SLC1A4: variants seen among roughly 807,000 people sequenced by gnomAD.
SLC1A4 encodes solute carrier family 1 member 4, also known as neutral amino acid transporter A.
Under a neutral mutation model 37.7 loss-of-function variants are expected in SLC1A4, and 19 were observed. The observed-to-expected ratio is 0.50, with a 90% confidence interval of 0.35 to 0.74. SLC1A4 has a LOEUF of 0.74. Among genes scored for constraint, SLC1A4 ranks in the 30% least tolerant of loss-of-function variants. The probability of loss-of-function intolerance (pLI) is 0.01; values close to 1 mark genes in which losing one functional copy is unlikely to be tolerated. For missense variants in SLC1A4, 570 were observed against 712.9 expected, an observed-to-expected ratio of 0.80 and a Z score of 2.28; for synonymous variants, 299 against 309.8, an observed-to-expected ratio of 0.97 and a Z score of 0.37.
chr2:65,016,003 A>G (rs987389121), intron 4 of SLC1A4, among the ~76,000 whole-genome samples: 1 of 152,156 alleles, frequency 6.6e-6, no homozygotes. Context: ...CTTTGGCTCA[A>G]TTTTCTATCA....
intron 3 of SLC1A4, among the ~76,000 whole-genome samples, 185 bp from the exon 4 acceptor site, chr2:65,010,412 C>G (rs1673869359): frequency 6.6e-6 from 1 of 152,204 alleles, no homozygotes; most frequent in Non-Finnish European, 1.5e-5. Flanking sequence ...CTTTCTGTAT[C>G]CTCAGACTAC....
Position 65,020,961 on chromosome 2 carries a change from G to A in SLC1A4, c.1414G>A (p.Gly472Ser), listed in dbSNP as rs1355473548. Residue 472 changes from glycine (G) to serine (S), a missense_variant, in exon 8 of 8, where the codon GGC (glycine) becomes AGC (serine). Physicochemically the swap from Gly to Ser is moderately conservative, Grantham distance 56. Coordinates refer to ENST00000234256, the MANE Select transcript of SLC1A4 (RefSeq NM_003038.5). ...TGTGGAAGGGGATGCCCTGGGTGCA[G>A]GCATTCTCCACCACCTGAATCAGAA... Reference protein sequence around the residue: ...VNVEGDALGAGILHHLNQKAT... With the variant: ...VNVEGDALGASILHHLNQKAT... The A allele has an allele frequency of 6.2e-7, 1 of 1,614,210 alleles. No individual in the cohort carries two copies. The highest frequency in any genetic ancestry group is 1.7e-5 in the Admixed American group (1 of 60,026).
At chr2:65,019,620 G>GGT (rs1265006274) in intron 7 of SLC1A4, among the ~76,000 whole-genome samples, 1 of 152,212 alleles carries the variant, frequency 6.6e-6, no homozygotes, top group African/African-American at 2.4e-5. Context: ...AGGTGGGAAT[G>GGT]GTGGTTTTTC....
At chr2:65,011,111 G>C (rs990715915) in intron 4 of SLC1A4, among the ~76,000 whole-genome samples, 2 of 152,268 alleles carry the variant, frequency 1.3e-5, no homozygotes, top group South Asian at 2.1e-4. Context: ...AATTCCATTA[G>C]TTTGCTATCT....
chr2:65,007,002 C>T lies in SLC1A4; in HGVS notation c.633+2987C>T, dbSNP rs114261124. Among the ~76,000 whole-genome samples, 1,431 of 152,294 alleles carry T rather than the reference C, an allele frequency of 9.4e-3. 7 individuals carry two copies. Among genetic ancestry groups the T allele is most frequent in the Non-Finnish European group, 0.014 (938 of 68,030 alleles). ...GACCCGTGGCTCTATCTTCCATGGC[C>T]ACTTTGATCCCACGTAATAACTTGC... On this transcript the variant is annotated intron_variant, in intron 3 of 7. Coordinates refer to ENST00000234256, the MANE Select transcript of SLC1A4 (RefSeq NM_003038.5).
rs775648938 is a variant in SLC1A4, at chr2:64,989,596, A to T, written c.-48A>T. 2.2e-4 allele frequency: 317 copies of T among 1,409,204 alleles called. No homozygotes were observed. Among genetic ancestry groups the T allele is most frequent in the Non-Finnish European group, 6.2e-5 (67 of 1,080,994 alleles). The allele number at this position is 1,409,204 out of a possible 1,614,324, so 87.3% of individuals were successfully genotyped here. A position where few individuals can be genotyped will look rare whatever the true frequency, so the allele number is the denominator to read the frequency against. Reference sequence around the variant, plus strand: ...TTCATTGGGAACCCCGTCTTTTGCCAGAGCCCACGTCCCCTGCCACCTCTA... The same window carrying T: ...TTCATTGGGAACCCCGTCTTTTGCCTGAGCCCACGTCCCCTGCCACCTCTA... On this transcript the variant is annotated 5_prime_UTR_variant, in exon 1 of 8. Coordinates refer to ENST00000234256, the MANE Select transcript of SLC1A4 (RefSeq NM_003038.5).
In SLC1A4 at chr2:64,989,555, C is replaced by A; in HGVS notation, c.-89C>A. The A allele has an allele frequency of 2.4e-6, 3 of 1,251,870 alleles. No individual in the cohort carries two copies. The highest frequency in any genetic ancestry group is 3.1e-6 in the Non-Finnish European group (3 of 964,936). 77.5% of individuals were successfully genotyped at this position (1,251,870 alleles called of 1,614,324 possible). ...GCTTCCCAGAACCTGCGGAGCACAA[C>A]TGGCCGACCGACCCATTCATTGGGA... On this transcript the variant is annotated 5_prime_UTR_variant, in exon 1 of 8. The change creates a new upstream start codon in the 5' untranslated region. Coordinates refer to ENST00000234256, the MANE Select transcript of SLC1A4 (RefSeq NM_003038.5).
rs146733612 is a variant in SLC1A4 at position 64,992,649 on chromosome 2, T to C, written c.527+2479T>C. 7.2e-5 allele frequency among the ~76,000 whole-genome samples: 11 copies of C among 152,320 alleles called. No homozygotes were observed. In the East Asian group the frequency reaches 2.1e-3, roughly 29 times the overall value. The stretch of plus-strand genomic sequence containing the variant: ...TATAAAGAAGAGATTAGAAGGACTG[T>C]GGGTCTCCTACCCCACAGTGCAGGG... On this transcript the variant is annotated intron_variant, in intron 1 of 7. Coordinates refer to ENST00000234256, the MANE Select transcript of SLC1A4 (RefSeq NM_003038.5).
At chr2:64,997,180 G>A (rs1345144165) in intron 1 of SLC1A4, among the ~76,000 whole-genome samples, 2 of 152,108 alleles carry the variant, frequency 1.3e-5, no homozygotes, top group Non-Finnish European at 2.9e-5. Context: ...ACTGCCACCA[G>A]GAGAGCCCTT....
In SLC1A4 at chr2:64,989,655, C is replaced by T. The variant is rs777266961; in HGVS notation, c.12C>T (p.Ser4=). ...CGGCGTGTAGCGCCATGGAGAAGAG[C>T]AACGAGACCAACGGCTACCTTGACA... MEK[S]NETNGYLDSA... is the part of the protein sequence containing the mutation. Residue 4 remains serine, a synonymous_variant, in exon 1 of 8, where the codon AGC becomes AGT. Coordinates refer to ENST00000234256, the MANE Select transcript of SLC1A4 (RefSeq NM_003038.5). 6.5e-7 allele frequency: 1 copy of T among 1,535,142 alleles called. No homozygotes were observed. Among genetic ancestry groups the T allele is most frequent in the Non-Finnish European group, 8.7e-7 (1 of 1,147,846 alleles).
rs1326622846 is a variant in SLC1A4 at position 65,016,693 on chromosome 2, C to G, written c.1034+20C>G. The G allele has an allele frequency of 2.6e-6, 4 of 1,515,942 alleles. No homozygotes were observed. The highest frequency in any genetic ancestry group is 1.7e-5 in the Admixed American group (1 of 59,898). The allele number at this position is 1,515,942 out of a possible 1,614,324, so 93.9% of individuals were successfully genotyped here. A position where few individuals can be genotyped will look rare whatever the true frequency, so the allele number is the denominator to read the frequency against. Reference sequence around the variant, plus strand: ...CTCCAGGTGAGTGGGTTTTGGGTCTCTTCACTGCTCTGAGCCATGTTAACA... The same window carrying G: ...CTCCAGGTGAGTGGGTTTTGGGTCTGTTCACTGCTCTGAGCCATGTTAACA... On this transcript the variant is annotated intron_variant, in intron 5 of 7. Coordinates refer to ENST00000234256, the MANE Select transcript of SLC1A4 (RefSeq NM_003038.5).
chr2:65,018,369 G>A lies in SLC1A4; in HGVS notation c.1229+104G>A. 7.2e-7 allele frequency: 1 copy of A among 1,385,914 alleles called. No individual in the cohort carries two copies. The highest frequency in any genetic ancestry group is 2.4e-5 in the East Asian group (1 of 42,390). 85.9% of individuals were successfully genotyped at this position (1,385,914 alleles called of 1,614,324 possible). A position where few individuals can be genotyped will look rare whatever the true frequency, so the allele number is the denominator to read the frequency against. On this transcript the variant is annotated intron_variant, in intron 6 of 7. Transcript: ENST00000234256. The surrounding 1 kb of genome is among the most constrained non-coding windows in gnomAD (Gnocchi z 4.3). Reference sequence around the variant, plus strand: ...ACTTGGTGTCTCGCTCATAAAATGAGGACAGTGGGGATTCATTACTTGAAG... The same window carrying A: ...ACTTGGTGTCTCGCTCATAAAATGAAGACAGTGGGGATTCATTACTTGAAG...
chr2:65,010,902 T>A (rs1015825439), intron 4 of SLC1A4, 139 bp downstream of exon 4: 6 of 838,858 alleles, frequency 7.2e-6, no homozygotes, highest in African/African-American at 3.4e-5. Flanking sequence ...TGAGCCAGGC[T>A]TGGTACAGGG....
In SLC1A4 at chr2:65,016,453, G is replaced by A; in HGVS notation, c.814G>A (p.Gly272Ser). The A allele has an allele frequency of 1.2e-6, 2 of 1,614,010 alleles. No individual in the cohort carries two copies. The highest frequency in any genetic ancestry group is 1.7e-6 in the Non-Finnish European group (2 of 1,179,920). ...VSWIMWYVPV[G>S]IMFLVGSKIV... The stretch of plus-strand genomic sequence containing the variant: ...CTTGTGCCCTAGGTACGTACCTGTG[G>A]GCATCATGTTCCTTGTTGGAAGCAA... The change falls in exon 5 of 8, where the codon GGC becomes AGC. Residue 272 changes from glycine (G) to serine (S), a missense_variant. By Grantham distance (56) the Gly-to-Ser change is moderately conservative. Coordinates refer to ENST00000234256, the MANE Select transcript of SLC1A4 (RefSeq NM_003038.5).
At chr2:65,003,630 G>A (rs1673561029) in intron 2 of SLC1A4, among the ~76,000 whole-genome samples, 1 of 152,204 alleles carries the variant, frequency 6.6e-6, no homozygotes. Context: ...GACATATAAG[G>A]CTGAGGAAAT....
rs1672986226 is a variant in SLC1A4 at position 64,989,962 on chromosome 2, G to A, written c.319G>A (p.Ala107Thr). Residue 107 changes from alanine to threonine, a missense_variant, in exon 1 of 8, where the codon GCC becomes ACC. Ala to Thr is a moderately conservative substitution (Grantham distance 58). Transcript: ENST00000234256. Reference sequence around the variant, plus strand: ...GGTGTCGGGCGCCGCCTCGCTCGATGCCAGCTGCCTCGGGCGTCTGGGCGG... The same window carrying A: ...GGTGTCGGGCGCCGCCTCGCTCGATACCAGCTGCCTCGGGCGTCTGGGCGG... ...SLVSGAASLD[A>T]SCLGRLGGIA... is the part of the protein sequence containing the mutation. The A allele has an allele frequency of 2.5e-6, 4 of 1,578,650 alleles. No homozygotes were observed. The highest frequency in any genetic ancestry group is 3.4e-6 in the Non-Finnish European group (4 of 1,162,378).
chr2:65,018,366 T>G lies in SLC1A4; in HGVS notation c.1229+101T>G, dbSNP rs555614139. Reference sequence around the variant, plus strand: ...ACAACTTGGTGTCTCGCTCATAAAATGAGGACAGTGGGGATTCATTACTTG... The same window carrying G: ...ACAACTTGGTGTCTCGCTCATAAAAGGAGGACAGTGGGGATTCATTACTTG... On this transcript the variant is annotated intron_variant, in intron 6 of 7. Transcript: ENST00000234256. This position sits in a 1 kb window ranked among gnomAD's most constrained non-coding sequence, Gnocchi z 4.3. 16 of 1,412,060 alleles carry G rather than the reference T, an allele frequency of 1.1e-5. No homozygotes were observed. The South Asian group carries it at 2.1e-4, about 18-fold the overall frequency. The allele number at this position is 1,412,060 out of a possible 1,614,324, so 87.5% of individuals were successfully genotyped here.
Position 65,021,331 on chromosome 2 carries a change from C to CCAAGGA in SLC1A4, c.*194_*199dup, listed in dbSNP as rs1339186622. 15 of 598,044 alleles carry CCAAGGA rather than the reference C, an allele frequency of 2.5e-5. No individual in the cohort carries two copies. The highest frequency in any genetic ancestry group is 3.7e-5 in the African/African-American group (2 of 53,768). 37.0% of individuals were successfully genotyped at this position (598,044 alleles called of 1,614,324 possible). A position where few individuals can be genotyped will look rare whatever the true frequency, so the allele number is the denominator to read the frequency against. On this transcript the variant is annotated 3_prime_UTR_variant, in exon 8 of 8. Transcript: ENST00000234256. ...TGGGCTCCCCAGCCGGAACTGGTTA[C>CCAAGGA]CAAGGACAAGGACACTCTGACATTC...
intron 4 of SLC1A4, among the ~76,000 whole-genome samples, chr2:65,015,758 C>T (rs141425944): frequency 3.3e-5 from 5 of 152,248 alleles, no homozygotes; most frequent in East Asian, 1.9e-4. Flanking sequence ...TTATTACCTA[C>T]GCAATTAAAA....
Sources: gnomAD v4.1 joint callset for allele counts (sites outside exome capture counted in the v4.1 genomes callset) on GRCh38, gnomAD v4.1.1 for gene constraint, Gnocchi (gnomAD v3.1) non-coding constraint, MANE v1.5 for transcripts, NCBI Gene and HGNC (gene_info 2026-07-23, HGNC 2026-07-21) for gene names.